ADAMTSL1: variants seen among roughly 807,000 people sequenced by gnomAD.
The protein encoded by ADAMTSL1 is ADAMTS like 1.
A neutral mutation model predicts 201.8 loss-of-function variants in ADAMTSL1; 126 were observed. The observed-to-expected ratio is 0.62, with a 90% CI of 0.54 to 0.72. The LOEUF is 0.72. Among genes scored for constraint, ADAMTSL1 ranks in the 30% least tolerant of loss-of-function variants. ADAMTSL1 has a pLI of 0.00. For missense variants in ADAMTSL1, 2,679 were observed against 2,277.8 expected, an observed-to-expected ratio of 1.18 and a Z score of -3.59; for synonymous variants, 1,121 against 903.4, an observed-to-expected ratio of 1.24 and a Z score of -4.32.
At chr9:18,731,096 G>A (rs1333126735) in intron 15 of ADAMTSL1, among the ~76,000 whole-genome samples, 1 of 152,102 alleles carries the variant, frequency 6.6e-6, no homozygotes, top group East Asian at 1.9e-4. Flanking sequence ...TCCCAATGGG[G>A]GAATCTTGGC....
At chr9:18,186,711 G>A (rs535335606) in intron 2 of ADAMTSL1, among the ~76,000 whole-genome samples, 1 of 152,174 alleles carries the variant, frequency 6.6e-6, no homozygotes, top group African/African-American at 2.4e-5. Flanking sequence ...ATTTGGAATT[G>A]CATTTCACAT....
At chr9:17,967,092 C>T (rs970845747) in intron 1 of ADAMTSL1, among the ~76,000 whole-genome samples, 1 of 151,990 alleles carries the variant, frequency 6.6e-6, no homozygotes, top group Non-Finnish European at 1.5e-5. Context: ...ATTTCAGAAC[C>T]TATATAATAT....
chr9:18,661,976 A>C lies in ADAMTSL1; in HGVS notation c.988A>C (p.Asn330His). Residue 330 changes from asparagine (N) to histidine (H), a missense_variant, in exon 9 of 29, where the codon AAC (asparagine) becomes CAC (histidine). Physicochemically the swap from Asn to His is moderately conservative, Grantham distance 68 (BLOSUM62 1). Transcript: ENST00000380548. ...GGCTGAGTGCTACGATCTGAGGAGC[A>C]ACCGTGTGGTTGCTGACCAATACTG... ...TSAECYDLRS[N>H]RVVADQYCHY... 6.2e-7 allele frequency: 1 copy of C among 1,614,106 alleles called. No individual in the cohort carries two copies. Among genetic ancestry groups the C allele is most frequent in the East Asian group, 2.2e-5 (1 of 44,892 alleles).
At position 18,602,814 on chromosome 9, in the gene ADAMTSL1, T is replaced by C. The variant is rs1449053786; in HGVS notation, c.475-19429T>C. On this transcript the variant is annotated intron_variant, in intron 4 of 28. Transcript: ENST00000380548. The stretch of plus-strand genomic sequence containing the variant: ...TTTTTCTTCCCTGTAGAAAGGTATC[T>C]GACACATGAAGTTAAGTAGGTCGGA... Among the ~76,000 whole-genome samples, 7 of 152,202 alleles carry C rather than the reference T, an allele frequency of 4.6e-5. No individual in the cohort carries two copies. The East Asian group carries it at 1.3e-3, about 29-fold the overall frequency.
chr9:18,620,360 C>T (rs1466940981), intron 4 of ADAMTSL1, among the ~76,000 whole-genome samples: 1 of 152,112 alleles, frequency 6.6e-6, no homozygotes, highest in African/African-American at 2.4e-5. Flanking sequence ...TGAGAGTGGA[C>T]CCATAGATGC....
At chr9:18,689,140 G>A (rs973591961) in intron 13 of ADAMTSL1, among the ~76,000 whole-genome samples, 2 of 152,082 alleles carry the variant, frequency 1.3e-5, no homozygotes, top group African/African-American at 4.8e-5. Context: ...GAACTACAAA[G>A]TGGTAGTACA....
At chr9:18,835,345 T>A (rs992610118) in intron 23 of ADAMTSL1, among the ~76,000 whole-genome samples, 1 of 152,130 alleles carries the variant, frequency 6.6e-6, no homozygotes, top group Non-Finnish European at 1.5e-5. Flanking sequence ...TTTTCAGTGT[T>A]TTAATATATT....
intron 23 of ADAMTSL1, among the ~76,000 whole-genome samples, chr9:18,871,238 T>C (rs577088968): frequency 5.3e-5 from 8 of 152,168 alleles, no homozygotes; most frequent in Non-Finnish European, 1.2e-4. Context: ...TGGTCAGTTA[T>C]TTTCATAAAC....
At chr9:18,320,314 T>A (rs1166995757) in intron 2 of ADAMTSL1, among the ~76,000 whole-genome samples, 1 of 152,198 alleles carries the variant, frequency 6.6e-6, no homozygotes, top group East Asian at 1.9e-4. Flanking sequence ...TGTGGTAATT[T>A]GTTATGGCAG....
At chr9:18,476,500 T>C (rs1821459887) in intron 1 of ADAMTSL1, among the ~76,000 whole-genome samples, 1 of 152,156 alleles carries the variant, frequency 6.6e-6, no homozygotes, top group Non-Finnish European at 1.5e-5. Flanking sequence ...TGAGCACTTG[T>C]TAAACTTGCT....
intron 2 of ADAMTSL1, among the ~76,000 whole-genome samples, chr9:18,425,150 C>T (rs1819149431): frequency 6.6e-6 from 1 of 152,032 alleles, no homozygotes; most frequent in Non-Finnish European, 1.5e-5. Flanking sequence ...CTCTCTCCCC[C>T]TCCACTCCAC....
chr9:18,211,689 G>A (rs954307478), intron 2 of ADAMTSL1, among the ~76,000 whole-genome samples: 3 of 152,134 alleles, frequency 2.0e-5, no homozygotes, highest in African/African-American at 7.2e-5. Context: ...TTTTATTTTA[G>A]AAGAGAATTT....
intron 1 of ADAMTSL1, among the ~76,000 whole-genome samples, chr9:18,019,410 C>G (rs1820390682): frequency 1.3e-5 from 2 of 152,046 alleles, no homozygotes; most frequent in South Asian, 2.1e-4. Flanking sequence ...AAAACATAGT[C>G]TAAAGATGAA....
In ADAMTSL1 at chr9:18,684,137, G is replaced by C. The variant is rs946833128; in HGVS notation, c.1490-579G>C. Among the ~76,000 whole-genome samples the C allele has an allele frequency of 2.6e-5, 4 of 152,232 alleles. No individual in the cohort carries two copies. In the South Asian group the frequency reaches 8.3e-4, roughly 32 times the overall value. ...AAAGCTAGATAAATAGGTGAAATAA[G>C]TCAAATTATGTGTTATGAACCCTCA... On this transcript the variant is annotated intron_variant, in intron 12 of 28. Coordinates refer to ENST00000380548, the MANE Select transcript of ADAMTSL1 (RefSeq NM_001040272.6).
At chr9:18,319,445 T>C (rs1168317543) in intron 2 of ADAMTSL1, among the ~76,000 whole-genome samples, 1 of 152,162 alleles carries the variant, frequency 6.6e-6, no homozygotes, top group African/African-American at 2.4e-5. Context: ...CTATGAACTA[T>C]AGTAATAATA....
At chr9:18,485,744 T>C (rs1016352986) in intron 1 of ADAMTSL1, among the ~76,000 whole-genome samples, 4 of 152,170 alleles carry the variant, frequency 2.6e-5, no homozygotes, top group African/African-American at 7.2e-5. Context: ...TGAATCCCTA[T>C]AGCTGGAGCA....
chr9:18,383,443 T>A lies in ADAMTSL1; in HGVS notation c.208-121386T>A, dbSNP rs368598950. ...GGACAGAGAAATAGTTCTCTGATCATGGGGTCATCAGCTACCCACAGAGAT... is the reference window on the plus strand; with the variant it reads ...GGACAGAGAAATAGTTCTCTGATCAAGGGGTCATCAGCTACCCACAGAGAT... On this transcript the variant is annotated intron_variant, in intron 2 of 29. Transcript: ENST00000680146. 1.5e-3 allele frequency among the ~76,000 whole-genome samples: 221 copies of A among 152,266 alleles called. 6 individuals are homozygous for A. In the South Asian group the frequency reaches 0.044, roughly 31 times the overall value.
chr9:18,330,493 G>A (rs1389659957), intron 2 of ADAMTSL1, among the ~76,000 whole-genome samples: 3 of 152,036 alleles, frequency 2.0e-5, no homozygotes, highest in East Asian at 1.9e-4. Flanking sequence ...TTCCCTCAGG[G>A]TCTTGCTTTC....
chr9:18,838,824 T>C (rs1028296143), intron 23 of ADAMTSL1, among the ~76,000 whole-genome samples: 2 of 151,154 alleles, frequency 1.3e-5, no homozygotes, highest in African/African-American at 2.4e-5. Context: ...GCAAGTGAGC[T>C]ATAATCGCAC....
Sources: allele counts gnomAD v4.1 joint callset (sites outside exome capture counted in the v4.1 genomes callset), GRCh38; gene constraint gnomAD v4.1.1; transcripts MANE v1.5; gene names NCBI Gene and HGNC (gene_info 2026-07-23, HGNC 2026-07-21).